Variants in GBE1 observed in about 807,000 individuals in gnomAD.
GBE1 encodes 1,4-alpha-glucan-branching enzyme.
Under a neutral mutation model 88.8 loss-of-function variants are expected in GBE1, and 70 were observed. The observed-to-expected ratio is 0.79, with a 90% CI of 0.65 to 0.96. The LOEUF is 0.96. Among genes scored for constraint, GBE1 ranks in the 40% least tolerant of loss-of-function variants. GBE1 has a pLI of 0.00. For missense variants in GBE1, 872 were observed against 871.0 expected, an observed-to-expected ratio of 1.00 and a Z score of -0.01; for synonymous variants, 284 against 300.1, an observed-to-expected ratio of 0.95 and a Z score of 0.56.
chr3:81,537,116 A>G lies in GBE1; in HGVS notation c.1619-21T>C, dbSNP rs1703087365. The G allele has an allele frequency of 2.9e-6, 4 of 1,378,386 alleles. No homozygotes were observed. In the East Asian group the frequency reaches 1.1e-4, roughly 38 times the overall value. 85.4% of individuals were successfully genotyped at this position (1,378,386 alleles called of 1,614,324 possible). A position where few individuals can be genotyped will look rare whatever the true frequency, so the allele number is the denominator to read the frequency against. ...ATTACCTGCATTACAAAACACATGC[A>G]AATATCAGCCTATTAATATTAGAAT... On this transcript the variant is annotated intron_variant, in intron 12 of 15. Coordinates refer to ENST00000429644, the MANE Select transcript of GBE1 (RefSeq NM_000158.4).
At chr3:81,541,938 A>C (rs1409384390) in intron 12 of GBE1, among the ~76,000 whole-genome samples, 3 of 152,074 alleles carry the variant, frequency 2.0e-5, no homozygotes, top group Non-Finnish European at 4.4e-5. Context: ...TTTATTTATT[A>C]ATTTATTAAG....
At chr3:81,735,978 A>T (rs1706252653) in intron 1 of GBE1, among the ~76,000 whole-genome samples, 1 of 152,158 alleles carries the variant, frequency 6.6e-6, no homozygotes, top group African/African-American at 2.4e-5. Flanking sequence ...GCCACTCCAC[A>T]TCTAAGCCTA....
chr3:81,660,023 A>T (rs1476604977), intron 3 of GBE1, among the ~76,000 whole-genome samples: 1 of 150,680 alleles, frequency 6.6e-6, no homozygotes, highest in Non-Finnish European at 1.5e-5. Context: ...TAGAGTAAAA[A>T]GAACTGGAAA....
In GBE1 at chr3:81,651,158, G is replaced by C. The variant is rs116357338; in HGVS notation, c.430-1237C>G. Among the ~76,000 whole-genome samples the C allele has an allele frequency of 2.4e-3, 367 of 152,270 alleles. 5 individuals are homozygous for C. The highest frequency in any genetic ancestry group is 8.5e-3 in the African/African-American group (352 of 41,546). On this transcript the variant is annotated intron_variant, in intron 3 of 15. Transcript: ENST00000429644. ...CACAATTCTTAGTAATTAAATATTT[G>C]TATAATGCCTTATAGTTTATAAAGA...
rs13085907 is a variant in GBE1, at chr3:81,737,359, T to G, written c.143+24016A>C. 5.2e-5 allele frequency among the ~76,000 whole-genome samples: 2 copies of G among 38,268 alleles called. 1 individual carries two copies. Among genetic ancestry groups the G allele is most frequent in the Non-Finnish European group, 1.1e-4 (2 of 18,516 alleles). The allele number at this position is 38,268 out of a possible 152,430, so 25.1% of individuals were successfully genotyped here. ...TATATATATTTATATAAATATATAT[T>G]TATATATTTATATATATTTTTATAT... On this transcript the variant is annotated intron_variant, in intron 1 of 15. Coordinates refer to ENST00000429644, the MANE Select transcript of GBE1 (RefSeq NM_000158.4).
At chr3:81,495,528 T>G (rs1386973499) in intron 15 of GBE1, among the ~76,000 whole-genome samples, 1 of 152,186 alleles carries the variant, frequency 6.6e-6, no homozygotes, top group Admixed American at 6.6e-5. Flanking sequence ...TTCACATACA[T>G]GCTTTAGTTC....
chr3:81,617,029 AT>A (rs1056958091), intron 7 of GBE1, among the ~76,000 whole-genome samples: 1 of 151,948 alleles, frequency 6.6e-6, no homozygotes, highest in Non-Finnish European at 1.5e-5. Flanking sequence ...TTTAATTTTA[AT>A]AACCACCTGT....
At chr3:81,744,198 C>T (rs6776410) in intron 1 of GBE1, among the ~76,000 whole-genome samples, 19,077 of 152,066 alleles carry the variant, frequency 0.13, 1,351 homozygotes, top group Non-Finnish European at 0.17. Context: ...TGAAATATGA[C>T]TAGTCCCAAC....
At chr3:81,675,034 G>A (rs1288818419) in intron 2 of GBE1, among the ~76,000 whole-genome samples, 3 of 151,934 alleles carry the variant, frequency 2.0e-5, no homozygotes, top group Non-Finnish European at 2.9e-5. Flanking sequence ...CAGTCCTAGA[G>A]TTTTTTATAA....
At chr3:81,718,618 AGTTTGTTTT>A (rs1297647863) in intron 1 of GBE1, among the ~76,000 whole-genome samples, 1 of 151,928 alleles carries the variant, frequency 6.6e-6, no homozygotes, top group East Asian at 1.9e-4. Flanking sequence ...CACTCCAATA[AGTTTGTTTT>A]GTTTGTTTTG....
chr3:81,523,349 T>C (rs141002210), intron 14 of GBE1, among the ~76,000 whole-genome samples: 86 of 151,586 alleles, frequency 5.7e-4, no homozygotes, highest in East Asian at 5.6e-3. Flanking sequence ...TTAATTTAAA[T>C]TTAAAATTGT....
chr3:81,616,649 T>C lies in GBE1; in HGVS notation c.993-22626A>G, dbSNP rs554726345. Among the ~76,000 whole-genome samples, 4 of 152,268 alleles carry C rather than the reference T, an allele frequency of 2.6e-5. No individual in the cohort carries two copies. In the East Asian group the frequency reaches 7.7e-4, roughly 29 times the overall value. Reference sequence around the variant, plus strand: ...ACTGATTGCTCCCACTTTATTCCACTTTTACAAGATTGTTTTAAGTGTTCT... The same window carrying C: ...ACTGATTGCTCCCACTTTATTCCACCTTTACAAGATTGTTTTAAGTGTTCT... On this transcript the variant is annotated intron_variant, in intron 7 of 15. Coordinates refer to ENST00000429644, the MANE Select transcript of GBE1 (RefSeq NM_000158.4).
rs148842673 is a variant in GBE1 at position 81,677,624 on chromosome 3, G to A, written c.314-6671C>T. ...ATTGTTCTTACCCAGGATTATGAGA[G>A]AACCACTCAGTGTCTGGGGGGTGAC... On this transcript the variant is annotated intron_variant, in intron 2 of 15. Transcript: ENST00000429644. Among the ~76,000 whole-genome samples the A allele has an allele frequency of 1.4e-4, 22 of 152,270 alleles. No homozygotes were observed. The East Asian group carries it at 4.3e-3, about 29-fold the overall frequency.
At position 81,496,884 on chromosome 3, in the gene GBE1, C is replaced by G. The variant is rs148529788; in HGVS notation, c.2052+2226G>C. On this transcript the variant is annotated intron_variant, in intron 15 of 15. Coordinates refer to ENST00000429644, the MANE Select transcript of GBE1 (RefSeq NM_000158.4). ...ATTTAAACGAGTAATTCCTGAAGCA[C>G]TGTAGTCATCCAAAACAAGATGTTG... Among the ~76,000 whole-genome samples, 702 of 152,262 alleles carry G rather than the reference C, an allele frequency of 4.6e-3. 2 individuals are homozygous for G. Among genetic ancestry groups the G allele is most frequent in the African/African-American group, 0.015 (618 of 41,556 alleles).
At position 81,536,906 on chromosome 3, in the gene GBE1, C is replaced by T. The variant is rs1281000699; in HGVS notation, c.1803+5G>A. 1.3e-6 allele frequency: 2 copies of T among 1,581,792 alleles called. No individual in the cohort carries two copies. The highest frequency in any genetic ancestry group is 1.4e-5 in the African/African-American group (1 of 72,746). ...AAAACACAGCATCCAGAGTGAAGAG[C>T]TTACCTGTGGAGCTGCAAGCCAACC... On this transcript the variant is annotated splice_donor_5th_base_variant and intron_variant, in intron 13 of 15. Coordinates refer to ENST00000429644, the MANE Select transcript of GBE1 (RefSeq NM_000158.4).
chr3:81,748,147 GAA>G (rs976423038), intron 1 of GBE1, among the ~76,000 whole-genome samples: 20 of 151,856 alleles, frequency 1.3e-4, no homozygotes, highest in Middle Eastern at 3.2e-3. Flanking sequence ...AGTGAAAAAA[GAA>G]AAATCAATCC....
intron 14 of GBE1, among the ~76,000 whole-genome samples, chr3:81,511,729 G>C (rs1398403295): frequency 1.3e-5 from 2 of 151,996 alleles, no homozygotes; most frequent in African/African-American, 4.8e-5. Context: ...CTTATATACT[G>C]TTGGTGGGAA....
At chr3:81,615,534 G>T (rs1336667119) in intron 7 of GBE1, among the ~76,000 whole-genome samples, 1 of 152,184 alleles carries the variant, frequency 6.6e-6, no homozygotes, top group Non-Finnish European at 1.5e-5. Context: ...AAACAAAATG[G>T]AATATGTCCC....
chr3:81,659,246 T>C (rs1559679005), intron 3 of GBE1, among the ~76,000 whole-genome samples: 1 of 152,156 alleles, frequency 6.6e-6, no homozygotes, highest in Admixed American at 6.5e-5. Context: ...TTAAAAATAT[T>C]TTATTAAGTA....
Sources: allele counts gnomAD v4.1 joint callset (sites outside exome capture counted in the v4.1 genomes callset), GRCh38; gene constraint gnomAD v4.1.1; transcripts MANE v1.5; gene names NCBI Gene and HGNC (gene_info 2026-07-23, HGNC 2026-07-21).